KLHL32: variants seen among roughly 807,000 people sequenced by gnomAD.
KLHL32 encodes the protein kelch-like protein 32.
A neutral mutation model predicts 64.8 loss-of-function variants in KLHL32; 35 were observed. The observed-to-expected ratio is 0.54, with a 90% CI of 0.41 to 0.72. KLHL32 has a LOEUF of 0.72. Among genes scored for constraint, KLHL32 ranks in the 30% least tolerant of loss-of-function variants. The probability of loss-of-function intolerance (pLI) is 0.00; values close to 1 mark genes in which losing one functional copy is unlikely to be tolerated. For synonymous variants in KLHL32, 259 were observed against 281.0 expected (o/e 0.92, Z 0.78); for missense variants, 589 against 768.5 (o/e 0.77, Z 2.76).
chr6:96,919,718 C>T (rs147455218), upstream of KLHL32, among the ~76,000 whole-genome samples: 31 of 152,030 alleles, frequency 2.0e-4, no homozygotes, highest in African/African-American at 5.5e-4. Flanking sequence ...AAATATTATT[C>T]ATGCTCATCA....
At chr6:97,069,598 G>A (rs963336280) in intron 5 of KLHL32, among the ~76,000 whole-genome samples, 2 of 152,010 alleles carry the variant, frequency 1.3e-5, no homozygotes, top group Admixed American at 6.6e-5. Flanking sequence ...TGGGGCTTTC[G>A]AGCAGAGGGA....
intron 1 of KLHL32, among the ~76,000 whole-genome samples, chr6:96,966,543 T>C (rs1774478551): frequency 6.6e-6 from 1 of 152,178 alleles, no homozygotes; most frequent in South Asian, 2.1e-4. Flanking sequence ...GAATGGAAAA[T>C]TATATTTCTG....
intron 3 of KLHL32, among the ~76,000 whole-genome samples, chr6:97,040,465 C>T (rs1474050110): frequency 6.6e-6 from 1 of 152,110 alleles, no homozygotes; most frequent in East Asian, 1.9e-4. Context: ...CTGAGTGGTT[C>T]TCAAATTCAA....
intron 5 of KLHL32, among the ~76,000 whole-genome samples, chr6:97,075,138 T>C (rs1791397159): frequency 6.6e-6 from 1 of 152,190 alleles, no homozygotes; most frequent in South Asian, 2.1e-4. Flanking sequence ...AGTAACCTAA[T>C]TGTAGAATTC....
chr6:96,963,432 A>G (rs969142251), intron 1 of KLHL32, among the ~76,000 whole-genome samples: 7 of 152,220 alleles, frequency 4.6e-5, no homozygotes, highest in African/African-American at 1.7e-4. Context: ...ACAAAAAGAA[A>G]TTATGAAAAT....
At chr6:96,965,351 G>A (rs1172071341) in intron 1 of KLHL32, among the ~76,000 whole-genome samples, 1 of 152,152 alleles carries the variant, frequency 6.6e-6, no homozygotes, top group Non-Finnish European at 1.5e-5. Context: ...GAAAACACCT[G>A]ATTTAGTGAG....
chr6:97,066,311 G>A (rs1299103412), intron 5 of KLHL32, among the ~76,000 whole-genome samples: 2 of 152,186 alleles, frequency 1.3e-5, no homozygotes, highest in Non-Finnish European at 2.9e-5. Context: ...GCAGGGGTGT[G>A]TGGGTATACC....
chr6:97,068,844 A>G (rs956981547), intron 5 of KLHL32, among the ~76,000 whole-genome samples: 6 of 152,214 alleles, frequency 3.9e-5, no homozygotes, highest in Non-Finnish European at 8.8e-5. Context: ...GTAATGGCAA[A>G]TTACTCTATG....
At chr6:97,047,396 A>G (rs1766518) in intron 4 of KLHL32, among the ~76,000 whole-genome samples, 38,709 of 152,118 alleles carry the variant, frequency 0.25, 6,311 homozygotes, top group African/African-American at 0.45. Context: ...AGCAGAACCA[A>G]TGGTGGAGGG....
chr6:97,131,038 T>G, intron 9 of KLHL32, 89 bp downstream of exon 9: 1 of 1,075,340 alleles, frequency 9.3e-7, no homozygotes, highest in Non-Finnish European at 1.4e-6. Context: ...CATCACTAAA[T>G]ATTAAGTGCA....
intron 6 of KLHL32, among the ~76,000 whole-genome samples, chr6:97,099,611 C>T (rs544906022): frequency 7.9e-5 from 12 of 152,272 alleles, no homozygotes; most frequent in Admixed American, 5.2e-4. Context: ...GACTATCAGG[C>T]GGCTGGTTCT....
chr6:96,993,832 G>A (rs913486000), intron 3 of KLHL32, among the ~76,000 whole-genome samples: 2 of 152,144 alleles, frequency 1.3e-5, no homozygotes, highest in Non-Finnish European at 2.9e-5. Context: ...CATGAAGAGG[G>A]CCAGCTTGTG....
At chr6:96,989,035 C>T (rs1242492620) in intron 3 of KLHL32, among the ~76,000 whole-genome samples, 1 of 152,142 alleles carries the variant, frequency 6.6e-6, no homozygotes, top group Non-Finnish European at 1.5e-5. Flanking sequence ...AGCACACCAG[C>T]ATGGCACATG....
chr6:97,031,883 A>G (rs1384091646), intron 3 of KLHL32, among the ~76,000 whole-genome samples: 5 of 152,230 alleles, frequency 3.3e-5, no homozygotes, highest in South Asian at 2.1e-4. Flanking sequence ...TCTCGTTTCA[A>G]TTGGAGTCAA....
At position 97,085,261 on chromosome 6, in the gene KLHL32, C is replaced by G. The variant is rs1309951170; in HGVS notation, c.547C>G (p.Leu183Val). ...CCTGAAGAGCCGCCCAGAAGAAGTT[C>G]TAACGCTTCCCTATTGCCTGCTTCA... ...ELLKSRPEEV[L>V]TLPYCLLQEV... The change falls in exon 6 of 11, where the codon CTA (leucine) becomes GTA (valine). Residue 183 changes from leucine (L) to valine (V), a missense_variant. Leu to Val is a conservative substitution (Grantham distance 32). Transcript: ENST00000369261. 1 of 1,613,886 alleles carries G rather than the reference C, an allele frequency of 6.2e-7. No individual in the cohort carries two copies. Among genetic ancestry groups the G allele is most frequent in the Non-Finnish European group, 8.5e-7 (1 of 1,180,028 alleles).
intron 6 of KLHL32, among the ~76,000 whole-genome samples, chr6:97,094,257 GT>G (rs1183761323): frequency 1.3e-5 from 2 of 152,132 alleles, no homozygotes; most frequent in East Asian, 3.9e-4. Context: ...TATTCTGGGA[GT>G]TCTATAGGAG....
intron 4 of KLHL32, among the ~76,000 whole-genome samples, chr6:97,064,369 G>C (rs1176081656): frequency 6.6e-6 from 1 of 152,170 alleles, no homozygotes; most frequent in Non-Finnish European, 1.5e-5. Context: ...AAAAAAATAA[G>C]TGGTTAAGTG....
intron 3 of KLHL32, 114 bp from the exon 4 acceptor site, chr6:97,041,378 C>A (rs1785091453): frequency 1.2e-5 from 8 of 660,842 alleles, no homozygotes; most frequent in Non-Finnish European, 1.9e-5. Context: ...TTTCAAAAAT[C>A]AAAATCAATT....
At chr6:97,136,512 A>G (rs564507324) in intron 10 of KLHL32, among the ~76,000 whole-genome samples, 1 of 152,340 alleles carries the variant, frequency 6.6e-6, no homozygotes, top group East Asian at 1.9e-4. Context: ...GTTCTTGTTT[A>G]TTTAGTGGGT....
Sources: allele counts gnomAD v4.1 joint callset (sites outside exome capture counted in the v4.1 genomes callset), GRCh38; gene constraint gnomAD v4.1.1; transcripts MANE v1.5; gene names NCBI Gene and HGNC (gene_info 2026-07-23, HGNC 2026-07-21).